EXOC6B: variants seen among roughly 807,000 people sequenced by gnomAD.
EXOC6B encodes exocyst complex component 6B.
In EXOC6B, 54 loss-of-function variants were observed where a neutral mutation model predicts 113.5. The ratio of observed to expected loss-of-function variants is 0.48; its 90% CI spans 0.38 to 0.60. The LOEUF is 0.60. Ranked by LOEUF, EXOC6B falls within the 20% of genes least tolerant of loss-of-function variation. EXOC6B has a pLI of 0.00. For synonymous variants in EXOC6B, 357 were observed against 339.0 expected (o/e 1.05, Z -0.58); for missense variants, 797 against 977.5 (o/e 0.82, Z 2.46).
At chr2:72,663,910 G>C (rs1242246311) in intron 6 of EXOC6B, among the ~76,000 whole-genome samples, 7 of 152,094 alleles carry the variant, frequency 4.6e-5, no homozygotes, top group African/African-American at 1.7e-4. Flanking sequence ...TTACACTAAT[G>C]CATGATGTTA....
At chr2:72,397,358 C>T (rs569334609) in intron 18 of EXOC6B, among the ~76,000 whole-genome samples, 2 of 152,094 alleles carry the variant, frequency 1.3e-5, no homozygotes, top group East Asian at 3.9e-4. Flanking sequence ...CAGTGGCTCA[C>T]GCCTGTAATC....
At chr2:72,216,917 G>A (rs993016767) in intron 20 of EXOC6B, among the ~76,000 whole-genome samples, 10 of 151,854 alleles carry the variant, frequency 6.6e-5, no homozygotes, top group Admixed American at 6.6e-4. Context: ...GGGGCGCAAG[G>A]GGAGGGAGAG....
chr2:72,409,883 G>A (rs1206337953), intron 18 of EXOC6B, among the ~76,000 whole-genome samples: 3 of 151,744 alleles, frequency 2.0e-5, no homozygotes, highest in Non-Finnish European at 4.4e-5. Context: ...ATATATATAT[G>A]TATACCAATA....
intron 18 of EXOC6B, among the ~76,000 whole-genome samples, chr2:72,406,234 A>G (rs1473869437): frequency 1.3e-5 from 2 of 152,106 alleles, no homozygotes; most frequent in Non-Finnish European, 2.9e-5. Context: ...AGAGACTTAG[A>G]CTCCCACACA....
chr2:72,187,334 A>C (rs1338329386), intron 20 of EXOC6B, among the ~76,000 whole-genome samples: 1 of 151,864 alleles, frequency 6.6e-6, no homozygotes, highest in Non-Finnish European at 1.5e-5. Context: ...CAGGGGGCAT[A>C]TTTCAGCCAT....
chr2:72,322,809 C>T (rs1266635017), intron 20 of EXOC6B, among the ~76,000 whole-genome samples: 4 of 151,996 alleles, frequency 2.6e-5, no homozygotes, highest in Admixed American at 2.6e-4. Flanking sequence ...GAAACTGGAC[C>T]CCTTCCTTAC....
At chr2:72,194,971 T>G (rs187148683) in intron 20 of EXOC6B, among the ~76,000 whole-genome samples, 1 of 152,102 alleles carries the variant, frequency 6.6e-6, no homozygotes, top group Non-Finnish European at 1.5e-5. Context: ...GCTCCCTGCT[T>G]TCCCTGCAGC....
chr2:72,368,296 C>T (rs1690765556), intron 19 of EXOC6B, among the ~76,000 whole-genome samples: 1 of 152,192 alleles, frequency 6.6e-6, no homozygotes, highest in East Asian at 1.9e-4. Flanking sequence ...CACATACACA[C>T]TCCCAAGACT....
chr2:72,220,751 C>T (rs1319084685), intron 20 of EXOC6B, among the ~76,000 whole-genome samples: 1 of 152,128 alleles, frequency 6.6e-6, no homozygotes, highest in Non-Finnish European at 1.5e-5. Flanking sequence ...GTGCACGATA[C>T]ACTACTGCTG....
intron 6 of EXOC6B, among the ~76,000 whole-genome samples, chr2:72,671,239 A>C (rs371479367): frequency 1.2e-4 from 18 of 152,356 alleles, no homozygotes; most frequent in African/African-American, 3.6e-4. Context: ...CAAAGAATGG[A>C]AGAAAATGTT....
chr2:72,508,132 GA>G (rs796807890), intron 11 of EXOC6B, among the ~76,000 whole-genome samples: 5 of 40,210 alleles, frequency 1.2e-4, no homozygotes, highest in Admixed American at 2.5e-4. Context: ...TATGATGGGG[GA>G]AAAAAAAACC....
chr2:72,311,556 G>A (rs1439933038), intron 20 of EXOC6B, among the ~76,000 whole-genome samples: 3 of 151,516 alleles, frequency 2.0e-5, no homozygotes, highest in Non-Finnish European at 2.9e-5. Context: ...AAGGAGTTAC[G>A]GGATTAGATT....
chr2:72,267,220 C>T (rs1303863293), intron 20 of EXOC6B, among the ~76,000 whole-genome samples: 1 of 152,178 alleles, frequency 6.6e-6, no homozygotes, highest in Non-Finnish European at 1.5e-5. Flanking sequence ...AATTTGACTT[C>T]CTCTTTTCCT....
chr2:72,821,234 G>T (rs1219853620), intron 1 of EXOC6B, among the ~76,000 whole-genome samples: 2 of 152,036 alleles, frequency 1.3e-5, no homozygotes, highest in Non-Finnish European at 2.9e-5. Context: ...CACATGAAAA[G>T]AACAGCTATT....
chr2:72,710,724 C>A (rs974319216), intron 6 of EXOC6B, among the ~76,000 whole-genome samples: 1 of 152,094 alleles, frequency 6.6e-6, no homozygotes, highest in South Asian at 2.1e-4. Context: ...ATGTTCTACA[C>A]CATACATTAA....
At chr2:72,198,087 C>T (rs915636958) in intron 20 of EXOC6B, among the ~76,000 whole-genome samples, 12 of 152,238 alleles carry the variant, frequency 7.9e-5, no homozygotes, top group African/African-American at 2.9e-4. Flanking sequence ...GGGTCATTAC[C>T]AGTCCTAACT....
rs561016936 is a variant in EXOC6B at position 72,539,758 on chromosome 2, G to A, written c.915+19695C>T. ...CGTGTGTGTGTGTGTGTGCGCGCGC[G>A]CGCGCGTGTGTGTAGTCTGCATATA... On this transcript the variant is annotated intron_variant, in intron 8 of 21. Transcript: ENST00000272427. 1.9e-4 allele frequency among the ~76,000 whole-genome samples: 29 copies of A among 151,664 alleles called. 1 individual carries two copies. The highest frequency in any genetic ancestry group is 7.9e-4 in the Admixed American group (12 of 15,236).
intron 20 of EXOC6B, among the ~76,000 whole-genome samples, chr2:72,225,029 T>G (rs1681143584): frequency 6.7e-6 from 1 of 149,790 alleles, no homozygotes; most frequent in South Asian, 2.1e-4. Context: ...TTTTTTTTTT[T>G]TTAGTAGAGA....
chr2:72,753,702 C>A (rs1682206591), intron 1 of EXOC6B, among the ~76,000 whole-genome samples: 1 of 152,064 alleles, frequency 6.6e-6, no homozygotes. Context: ...ATGTAAGATG[C>A]CCTCCATGTC....
Sources: gnomAD v4.1 joint callset for allele counts (sites outside exome capture counted in the v4.1 genomes callset) on GRCh38, gnomAD v4.1.1 for gene constraint, MANE v1.5 for transcripts, NCBI Gene and HGNC (gene_info 2026-07-23, HGNC 2026-07-21) for gene names.